Variants in TTC27 observed in about 807,000 individuals in gnomAD.
TTC27 encodes the protein tetratricopeptide repeat domain 27, also known as tetratricopeptide repeat protein 27.
In TTC27, 79 loss-of-function variants were observed where a neutral mutation model predicts 115.9. The observed-to-expected ratio is 0.68, with a 90% CI of 0.57 to 0.82. The LOEUF (loss-of-function observed/expected upper bound fraction) is 0.82, where lower values mean the gene tolerates loss of function less well. Ranked by LOEUF, TTC27 falls within the 40% of genes least tolerant of loss-of-function variation. The probability of loss-of-function intolerance (pLI) is 0.00; values close to 1 mark genes in which losing one functional copy is unlikely to be tolerated. For synonymous variants in TTC27, 401 were observed against 356.0 expected (o/e 1.13, Z -1.42); for missense variants, 1,054 against 993.1 (o/e 1.06, Z -0.82).
intron 13 of TTC27, among the ~76,000 whole-genome samples, chr2:32,769,111 G>A (rs889960536): frequency 7.2e-5 from 11 of 152,180 alleles, no homozygotes; most frequent in African/African-American, 2.7e-4. Flanking sequence ...ACAGAAAACT[G>A]TGTTGGAAGA....
chr2:32,659,581 G>A (rs1339617237), intron 5 of TTC27, among the ~76,000 whole-genome samples: 2 of 151,178 alleles, frequency 1.3e-5, no homozygotes, highest in Non-Finnish European at 3.0e-5. Context: ...TACATGTGCA[G>A]AACGTGCAGG....
chr2:32,773,158 C>G (rs1223274763), intron 13 of TTC27, among the ~76,000 whole-genome samples: 1 of 152,200 alleles, frequency 6.6e-6, no homozygotes, highest in Non-Finnish European at 1.5e-5. Context: ...TTGTGTTTCT[C>G]TATTGGCTCC....
intron 10 of TTC27, among the ~76,000 whole-genome samples, chr2:32,731,949 G>GA (rs1668305419): frequency 6.6e-6 from 1 of 152,158 alleles, no homozygotes; most frequent in Admixed American, 6.5e-5. Flanking sequence ...CAACAACCAT[G>GA]AGTTTTTTGA....
chr2:32,629,088 C>T (rs1044140914), intron 1 of TTC27, among the ~76,000 whole-genome samples: 2 of 150,256 alleles, frequency 1.3e-5, no homozygotes, highest in Non-Finnish European at 3.0e-5. Context: ...TAAGGTCACA[C>T]TGTTGGTAAG....
At chr2:32,756,527 CA>C (rs1374228361) in intron 12 of TTC27, among the ~76,000 whole-genome samples, 4 of 152,178 alleles carry the variant, frequency 2.6e-5, no homozygotes, top group Non-Finnish European at 5.9e-5. Flanking sequence ...AAAGCATACA[CA>C]ACCTGAACTA....
At chr2:32,779,592 A>C (rs369990234) in intron 14 of TTC27, among the ~76,000 whole-genome samples, 2 of 149,096 alleles carry the variant, frequency 1.3e-5, no homozygotes, top group East Asian at 3.9e-4. Flanking sequence ...CATTCTGTTA[A>C]GTTTTTTTTT....
At position 32,820,911 on chromosome 2, in the gene TTC27, A is replaced by C; in HGVS notation, c.2505A>C (p.Leu835=). 1 of 1,526,662 alleles carries C rather than the reference A, an allele frequency of 6.6e-7. No homozygotes were observed. Among genetic ancestry groups the C allele is most frequent in the Non-Finnish European group, 8.8e-7 (1 of 1,131,462 alleles). 94.6% of individuals were successfully genotyped at this position (1,526,662 alleles called of 1,614,324 possible). A position where few individuals can be genotyped will look rare whatever the true frequency, so the allele number is the denominator to read the frequency against. Residue 835 remains leucine (L), a synonymous_variant, in exon 20 of 20, where the codon CTA becomes CTC. Coordinates refer to ENST00000317907, the MANE Select transcript of TTC27 (RefSeq NM_017735.5). ...CCTTAGTGACAGAGCTCCAAGACCT[A>C]AGCAACCAGTTTCGAAATCAGTATT... ...MDTLVTELQD[L]SNQFRNQY is the part of the protein sequence containing the mutation.
chr2:32,781,494 T>G (rs1670177425), intron 14 of TTC27, among the ~76,000 whole-genome samples: 1 of 152,190 alleles, frequency 6.6e-6, no homozygotes. Flanking sequence ...GGTTTTATTC[T>G]GTTCTTTTAA....
At chr2:32,679,819 C>G (rs969257022) in intron 9 of TTC27, among the ~76,000 whole-genome samples, 11 of 152,110 alleles carry the variant, frequency 7.2e-5, no homozygotes, top group Admixed American at 7.2e-4. Context: ...TGATGAAACC[C>G]TGTCTCTACC....
At chr2:32,807,059 C>T (rs893492338) in intron 16 of TTC27, among the ~76,000 whole-genome samples, 1 of 152,058 alleles carries the variant, frequency 6.6e-6, no homozygotes, top group African/African-American at 2.4e-5. Context: ...TCCCCAAACC[C>T]TCCCTTCCTT....
At chr2:32,680,143 C>T (rs1403950226) in intron 9 of TTC27, among the ~76,000 whole-genome samples, 1 of 152,118 alleles carries the variant, frequency 6.6e-6, no homozygotes, top group Non-Finnish European at 1.5e-5. Context: ...TTTCCCACTT[C>T]AGTATTCTCA....
chr2:32,778,331 T>A (rs551133171), intron 14 of TTC27, among the ~76,000 whole-genome samples: 1 of 152,320 alleles, frequency 6.6e-6, no homozygotes, highest in Non-Finnish European at 1.5e-5. Flanking sequence ...GATAGTTTTA[T>A]GAGATAATAA....
intron 15 of TTC27, 47 bp from the exon 16 acceptor site, chr2:32,786,936 TA>T: frequency 2.0e-6 from 3 of 1,487,392 alleles, no homozygotes; most frequent in Non-Finnish European, 2.7e-6. Flanking sequence ...TTTATTCTAA[TA>T]AAAAAAGAGT....
intron 12 of TTC27, among the ~76,000 whole-genome samples, chr2:32,752,328 T>C (rs1011237970): frequency 6.6e-6 from 1 of 152,214 alleles, no homozygotes; most frequent in African/African-American, 2.4e-5. Context: ...AGTGATAAAT[T>C]AACAACAGCC....
chr2:32,806,803 A>C (rs1339883619), intron 16 of TTC27, among the ~76,000 whole-genome samples: 1 of 151,852 alleles, frequency 6.6e-6, no homozygotes, highest in Non-Finnish European at 1.5e-5. Flanking sequence ...AGTTGATATC[A>C]CTCTAGAACC....
chr2:32,751,489 T>C (rs1669013785), intron 12 of TTC27, among the ~76,000 whole-genome samples: 2 of 152,110 alleles, frequency 1.3e-5, no homozygotes, highest in African/African-American at 4.8e-5. Flanking sequence ...TCTAATTCAC[T>C]GTACACTCAC....
chr2:32,715,076 A>G (rs1559218973), intron 10 of TTC27, among the ~76,000 whole-genome samples: 1 of 151,932 alleles, frequency 6.6e-6, no homozygotes, highest in Non-Finnish European at 1.5e-5. Context: ...CTTTTGTTTA[A>G]TTTGGTTCCA....
At chr2:32,814,306 G>A (rs1296956532) in intron 18 of TTC27, among the ~76,000 whole-genome samples, 1 of 152,144 alleles carries the variant, frequency 6.6e-6, no homozygotes, top group Non-Finnish European at 1.5e-5. Flanking sequence ...CTTCATCAGG[G>A]CAATACTTGG....
At chr2:32,683,276 A>G (rs976316973) in intron 9 of TTC27, among the ~76,000 whole-genome samples, 1 of 152,134 alleles carries the variant, frequency 6.6e-6, no homozygotes, top group African/African-American at 2.4e-5. Flanking sequence ...GGGGTGAGCC[A>G]CCGCGCCCGG....
Sources: gnomAD v4.1 joint callset for allele counts (sites outside exome capture counted in the v4.1 genomes callset) on GRCh38, gnomAD v4.1.1 for gene constraint, MANE v1.5 for transcripts, NCBI Gene and HGNC (gene_info 2026-07-23, HGNC 2026-07-21) for gene names.